Variants in FTO observed in about 807,000 individuals in gnomAD.
FTO encodes the protein alpha-ketoglutarate-dependent dioxygenase FTO.
A neutral mutation model predicts 63.9 loss-of-function variants in FTO; 47 were observed. That is an observed-to-expected ratio of 0.74 (90% CI 0.58 to 0.94). FTO has a LOEUF of 0.94. Ranked by LOEUF, FTO falls within the 40% of genes least tolerant of loss-of-function variation. The pLI, the probability that FTO is intolerant of heterozygous loss-of-function variation, is 0.00. For missense variants in FTO, 562 were observed against 618.1 expected, an observed-to-expected ratio of 0.91 and a Z score of 0.96; for synonymous variants, 207 against 224.4, an observed-to-expected ratio of 0.92 and a Z score of 0.69.
chr16:53,826,580 A>T, intron 3 of FTO, 89 bp downstream of exon 3: 1 of 1,245,578 alleles, frequency 8.0e-7, no homozygotes, highest in Non-Finnish European at 1.2e-6. Context: ...CATATACATG[A>T]ACATGTTTGC....
intron 8 of FTO, among the ~76,000 whole-genome samples, chr16:54,107,168 GCTCT>G (rs2086774608): frequency 6.6e-6 from 1 of 151,058 alleles, no homozygotes; most frequent in African/African-American, 2.4e-5. Context: ...ATTTTCCTTT[GCTCT>G]CCTTGAACTG....
chr16:53,749,836 G>A (rs2076740649), intron 1 of FTO, among the ~76,000 whole-genome samples: 1 of 152,162 alleles, frequency 6.6e-6, no homozygotes, highest in Non-Finnish European at 1.5e-5. Context: ...CTAAGGTATT[G>A]AGTGTTTTTA....
chr16:53,965,199 A>G (rs2083170617), intron 8 of FTO, among the ~76,000 whole-genome samples: 1 of 151,966 alleles, frequency 6.6e-6, no homozygotes, highest in Non-Finnish European at 1.5e-5. Flanking sequence ...TCAGCCTCCC[A>G]AGTAGCTGGG....
Position 54,119,130 on chromosome 16 carries a change from T to C in FTO, c.*7215T>C, listed in dbSNP as rs1304371830. On this transcript the variant is annotated 3_prime_UTR_variant, in exon 9 of 9. Transcript: ENST00000471389. ...GCCTCTTTAGGTTTTTCAGACTCCA[T>C]GCACCCTGTGGAAACTGCCTTTCTT... The C allele has an allele frequency of 6.6e-6, 1 of 152,200 alleles. No individual in the cohort carries two copies. The highest frequency in any genetic ancestry group is 1.5e-5 in the Non-Finnish European group (1 of 68,044). The allele number at this position is 152,200 out of a possible 1,614,324, so 9.4% of individuals were successfully genotyped here.
intron 8 of FTO, among the ~76,000 whole-genome samples, chr16:54,014,773 G>T (rs928076469): frequency 6.7e-6 from 1 of 149,686 alleles, no homozygotes; most frequent in Non-Finnish European, 1.5e-5. Context: ...CCTGAAGTGT[G>T]TTCTATAAAA....
At chr16:53,893,867 T>C (rs2081214835) in intron 7 of FTO, among the ~76,000 whole-genome samples, 1 of 152,212 alleles carries the variant, frequency 6.6e-6, no homozygotes, top group Non-Finnish European at 1.5e-5. Flanking sequence ...TGACAATTCC[T>C]TGTGCTGTTA....
chr16:53,983,340 C>A (rs1410347766), intron 8 of FTO, among the ~76,000 whole-genome samples: 5 of 151,594 alleles, frequency 3.3e-5, no homozygotes, highest in Admixed American at 6.6e-5. Context: ...TGCAACAGAC[C>A]CCTAGGGTAT....
rs576776554 is a variant in FTO at position 53,914,970 on chromosome 16, T to C, written c.1240-19015T>C. ...TTTTCATTAATGTATACCCCAGCCA[T>C]GTCTACAGGGAGAATGGGGGCCCCA... is the stretch of plus-strand genomic sequence containing the variant. On this transcript the variant is annotated intron_variant, in intron 7 of 8. Transcript: ENST00000471389. 3.3e-5 allele frequency among the ~76,000 whole-genome samples: 5 copies of C among 152,294 alleles called. No homozygotes were observed. In the South Asian group the frequency reaches 1.0e-3, roughly 32 times the overall value.
At chr16:53,739,465 T>C (rs911845039) in intron 1 of FTO, among the ~76,000 whole-genome samples, 10 of 151,612 alleles carry the variant, frequency 6.6e-5, no homozygotes, top group Non-Finnish European at 1.2e-4. Context: ...CCGCCCGCCT[T>C]GGCCTCCCAA....
intron 1 of FTO, chr16:53,764,316 C>CTGGACAGA (rs1285294835): frequency 6.6e-6 from 1 of 152,058 alleles, no homozygotes; most frequent in East Asian, 1.9e-4. Context: ...GAGAGTGTGG[C>CTGGACAGA]TGGACAGATG....
chr16:53,852,334 C>T (rs946408458), intron 4 of FTO, among the ~76,000 whole-genome samples: 3 of 152,070 alleles, frequency 2.0e-5, no homozygotes, highest in African/African-American at 7.2e-5. Context: ...GATACTACCT[C>T]TCACTCTTGC....
chr16:54,027,144 T>C lies in FTO; in HGVS notation c.1365-84618T>C, dbSNP rs80075280. Among the ~76,000 whole-genome samples the C allele has an allele frequency of 3.7e-3, 563 of 152,270 alleles. 7 individuals are homozygous for C. The highest frequency in any genetic ancestry group is 0.013 in the African/African-American group (540 of 41,542). On this transcript the variant is annotated intron_variant, in intron 8 of 8. Coordinates refer to ENST00000471389, the MANE Select transcript of FTO (RefSeq NM_001080432.3). ...TACCAGCTAAAGAGAAACATGATTA[T>C]AGGACATTAGGCTTTTTGTAAAATC...
chr16:54,002,406 C>T (rs1277178615), intron 8 of FTO, among the ~76,000 whole-genome samples: 1 of 152,242 alleles, frequency 6.6e-6, no homozygotes. Context: ...TCCTCCTAGG[C>T]ACCTGATACT....
At chr16:53,824,925 G>A (rs1279655696) in intron 2 of FTO, among the ~76,000 whole-genome samples, 1 of 152,194 alleles carries the variant, frequency 6.6e-6, no homozygotes, top group Non-Finnish European at 1.5e-5. Context: ...AAGGAAAGTG[G>A]TAGCCGAAAA....
chr16:53,765,564 A>AC (rs1430160060), intron 1 of FTO, among the ~76,000 whole-genome samples: 12 of 151,768 alleles, frequency 7.9e-5, no homozygotes, highest in Non-Finnish European at 1.5e-4. Context: ...TCTCAAAAAA[A>AC]AAAAAAAAGA....
At chr16:54,096,185 G>A (rs1419823072) in intron 8 of FTO, among the ~76,000 whole-genome samples, 1 of 152,200 alleles carries the variant, frequency 6.6e-6, no homozygotes, top group Non-Finnish European at 1.5e-5. Flanking sequence ...TGGACACTTA[G>A]CAAGCATCTT....
chr16:53,787,476 A>AT (rs1355579840), intron 1 of FTO, among the ~76,000 whole-genome samples: 1 of 151,982 alleles, frequency 6.6e-6, no homozygotes, highest in African/African-American at 2.4e-5. Context: ...GATTTTAAGC[A>AT]TTAAGTATGG....
At chr16:54,057,400 C>T (rs11861400) in intron 8 of FTO, among the ~76,000 whole-genome samples, 11,524 of 152,274 alleles carry the variant, frequency 0.076, 670 homozygotes, top group African/African-American at 0.15. Context: ...TTTCTTTCCT[C>T]TTCCCTGGTC....
At position 54,093,700 on chromosome 16, in the gene FTO, C is replaced by T. The variant is rs565935340; in HGVS notation, c.1365-18062C>T. Among the ~76,000 whole-genome samples, 10 of 152,338 alleles carry T rather than the reference C, an allele frequency of 6.6e-5. No individual in the cohort carries two copies. In the South Asian group the frequency reaches 1.9e-3, roughly 28 times the overall value. On this transcript the variant is annotated intron_variant, in intron 8 of 8. Coordinates refer to ENST00000471389, the MANE Select transcript of FTO (RefSeq NM_001080432.3). ...TCGTCCTTTGATTCCTTATGACCTTCTGAATTTTGGCAAATGAGAAAGCAT... is the reference window on the plus strand; with the variant it reads ...TCGTCCTTTGATTCCTTATGACCTTTTGAATTTTGGCAAATGAGAAAGCAT...
Sources: gnomAD v4.1 joint callset for allele counts (sites outside exome capture counted in the v4.1 genomes callset) on GRCh38, gnomAD v4.1.1 for gene constraint, MANE v1.5 for transcripts, NCBI Gene and HGNC (gene_info 2026-07-23, HGNC 2026-07-21) for gene names.